LTBP1: variants seen among roughly 807,000 people sequenced by gnomAD.
LTBP1 encodes latent-transforming growth factor beta-binding protein 1.
Under a neutral mutation model 207.6 loss-of-function variants are expected in LTBP1, and 129 were observed. The observed-to-expected ratio is 0.62, with a 90% CI of 0.54 to 0.72. The LOEUF is 0.72. Ranked by LOEUF, LTBP1 falls within the 30% of genes least tolerant of loss-of-function variation. The probability of loss-of-function intolerance (pLI) is 0.00; values close to 1 mark genes in which losing one functional copy is unlikely to be tolerated. For synonymous variants in LTBP1, 963 were observed against 833.7 expected (o/e 1.16, Z -2.67); for missense variants, 2,281 against 2,217.2 (o/e 1.03, Z -0.58).
In LTBP1 at chr2:33,279,044, TTC is replaced by T. The variant is rs75239184; in HGVS notation, c.2993-993_2993-992del. On this transcript the variant is annotated intron_variant, in intron 18 of 33. Coordinates refer to ENST00000404816, the MANE Select transcript of LTBP1 (RefSeq NM_206943.4). The stretch of plus-strand genomic sequence containing the variant: ...GATATTTAGTGGACCCATTATATAT[TTC>T]TTTCTTTTTTTGTTTCTCTAGTTTA... Among the ~76,000 whole-genome samples, 12 of 152,314 alleles carry T rather than the reference TTC, an allele frequency of 7.9e-5. 1 individual carries two copies. The East Asian group carries it at 2.1e-3, about 27-fold the overall frequency.
chr2:33,206,660 A>G (rs2089904201), intron 7 of LTBP1, among the ~76,000 whole-genome samples: 1 of 151,332 alleles, frequency 6.6e-6, no homozygotes, highest in Non-Finnish European at 1.5e-5. Context: ...AATGGCGTGA[A>G]CCTGGGAGGC....
At chr2:32,972,215 C>T (rs1469982611) in intron 2 of LTBP1, among the ~76,000 whole-genome samples, 3 of 147,940 alleles carry the variant, frequency 2.0e-5, no homozygotes, top group African/African-American at 7.5e-5. Context: ...CTAGCAGTGG[C>T]CTATCAATCT....
At chr2:33,262,864 T>TA in intron 14 of LTBP1, 43 bp downstream of exon 14, 1 of 1,419,696 alleles carries the variant, frequency 7.0e-7, no homozygotes, top group Non-Finnish European at 9.7e-7. Flanking sequence ...GTATTCTGAA[T>TA]AAAAATGTAA....
At chr2:33,046,251 T>A (rs1398847506) in intron 3 of LTBP1, among the ~76,000 whole-genome samples, 1 of 152,200 alleles carries the variant, frequency 6.6e-6, no homozygotes. Flanking sequence ...GCTGTGGGTT[T>A]GTCATAAATA....
Position 33,252,802 on chromosome 2 carries a change from G to A in LTBP1, c.2125G>A (p.Ala709Thr). 6.2e-7 allele frequency: 1 copy of A among 1,613,196 alleles called. No individual in the cohort carries two copies. The highest frequency in any genetic ancestry group is 8.5e-7 in the Non-Finnish European group (1 of 1,179,392). Residue 709 changes from alanine (A) to threonine (T), a missense_variant, in exon 11 of 34, where the codon GCC (alanine) becomes ACC (threonine). Physicochemically the swap from Ala to Thr is moderately conservative, Grantham distance 58 (BLOSUM62 0). Around this residue, in one of 3 missense-constraint regions of LTBP1, gnomAD observed 1,671 missense variants for 1,634.8 expected, o/e 1.02. Coordinates refer to ENST00000404816, the MANE Select transcript of LTBP1 (RefSeq NM_206943.4). ...GCTCTGCTGTTGTAGTGTGGGCAAGGCCTGGGGCCCACACTGTGAGAAATG... is the reference window on the plus strand; with the variant it reads ...GCTCTGCTGTTGTAGTGTGGGCAAGACCTGGGGCCCACACTGTGAGAAATG... The part of the protein sequence containing the change: ...KQLCCCSVGK[A>T]WGPHCEKCPL...
At chr2:33,145,156 A>G (rs184648137) in intron 5 of LTBP1, among the ~76,000 whole-genome samples, 30 of 152,310 alleles carry the variant, frequency 2.0e-4, no homozygotes, top group African/African-American at 7.0e-4. Context: ...GTATGGGCCT[A>G]AGGAATGGTT....
At chr2:33,176,388 G>A (rs2086061530) in intron 5 of LTBP1, among the ~76,000 whole-genome samples, 1 of 151,938 alleles carries the variant, frequency 6.6e-6, no homozygotes, top group South Asian at 2.1e-4. Context: ...ACCACGCCCG[G>A]CTAATTTTTT....
At chr2:33,350,805 T>C (rs947902061) in intron 26 of LTBP1, among the ~76,000 whole-genome samples, 1 of 151,110 alleles carries the variant, frequency 6.6e-6, no homozygotes, top group African/African-American at 2.4e-5. Flanking sequence ...CAATAAAAAC[T>C]TTATGTCTTT....
At chr2:33,395,215 G>T (rs1319414134) in intron 32 of LTBP1, among the ~76,000 whole-genome samples, 1 of 152,104 alleles carries the variant, frequency 6.6e-6, no homozygotes, top group Non-Finnish European at 1.5e-5. Flanking sequence ...GAGGAACCTG[G>T]TTTCAACAAA....
intron 5 of LTBP1, among the ~76,000 whole-genome samples, chr2:33,175,749 C>G (rs1200582222): frequency 6.6e-6 from 1 of 152,090 alleles, no homozygotes; most frequent in African/African-American, 2.4e-5. Context: ...GACTTGGAAC[C>G]AACCCAAATG....
chr2:33,006,068 G>A (rs553907414), intron 2 of LTBP1, among the ~76,000 whole-genome samples: 20 of 149,274 alleles, frequency 1.3e-4, no homozygotes, highest in African/African-American at 4.6e-4. Context: ...GACAAATACT[G>A]GCAAGAAATC....
At chr2:33,000,621 C>T (rs1301400736) in intron 2 of LTBP1, among the ~76,000 whole-genome samples, 1 of 135,358 alleles carries the variant, frequency 7.4e-6, no homozygotes, top group Non-Finnish European at 1.6e-5. Flanking sequence ...TGCAGCCCGC[C>T]GCCACTGGAC....
intron 32 of LTBP1, among the ~76,000 whole-genome samples, chr2:33,396,032 TA>T (rs1230068722): frequency 6.6e-6 from 1 of 152,048 alleles, no homozygotes; most frequent in Non-Finnish European, 1.5e-5. Context: ...AAATGAGAGC[TA>T]AACACTCTTG....
chr2:33,272,773 C>T (rs1041833474), intron 15 of LTBP1, among the ~76,000 whole-genome samples: 3 of 152,332 alleles, frequency 2.0e-5, no homozygotes, highest in African/African-American at 7.2e-5. Flanking sequence ...GCCACCTTCA[C>T]TAGGCCATTA....
intron 12 of LTBP1, 25 bp downstream of exon 12, chr2:33,257,536 C>T: frequency 6.4e-7 from 1 of 1,558,464 alleles, no homozygotes; most frequent in East Asian, 2.2e-5. Context: ...GGATCATGGA[C>T]TCTAGACATC....
At chr2:33,188,142 TG>T (rs2087405533) in intron 6 of LTBP1, among the ~76,000 whole-genome samples, 2 of 152,160 alleles carry the variant, frequency 1.3e-5, no homozygotes, top group African/African-American at 4.8e-5. Flanking sequence ...GATGGCTGGC[TG>T]GGCACGGTGG....
intron 31 of LTBP1, among the ~76,000 whole-genome samples, chr2:33,382,645 A>G (rs2095229303): frequency 6.6e-6 from 1 of 152,228 alleles, no homozygotes; most frequent in East Asian, 1.9e-4. Flanking sequence ...GAAGCAATGA[A>G]TGAATCACTT....
At chr2:33,396,622 T>G (rs652230) in intron 32 of LTBP1, among the ~76,000 whole-genome samples, 14,954 of 152,244 alleles carry the variant, frequency 0.098, 823 homozygotes, top group Non-Finnish European at 0.13. Context: ...TTTGTAAGGC[T>G]CATTCCGTAG....
intron 5 of LTBP1, among the ~76,000 whole-genome samples, chr2:33,173,764 C>T (rs1212251195): frequency 7.0e-6 from 1 of 142,902 alleles, no homozygotes; most frequent in Non-Finnish European, 1.6e-5. Context: ...CAATAAAATA[C>T]TGGCAAACCG....
Sources: allele counts gnomAD v4.1 joint callset (sites outside exome capture counted in the v4.1 genomes callset), GRCh38; gene constraint gnomAD v4.1.1; regional missense constraint gnomAD v4.1.1; transcripts MANE v1.5; gene names NCBI Gene and HGNC (gene_info 2026-07-23, HGNC 2026-07-21).